Variants in LSAMP observed in about 807,000 individuals in gnomAD.
LSAMP encodes the protein limbic system-associated membrane protein.
In LSAMP, 7 loss-of-function variants were observed where a neutral mutation model predicts 38.6. The observed-to-expected ratio is 0.18, with a 90% CI of 0.10 to 0.34. The LOEUF (loss-of-function observed/expected upper bound fraction) is 0.34, where lower values mean the gene tolerates loss of function less well. Among genes scored for constraint, LSAMP ranks in the 10% least tolerant of loss-of-function variants. The pLI is 1.00. For synonymous variants in LSAMP, 154 were observed against 166.8 expected, an observed-to-expected ratio of 0.92 and a Z score of 0.59; for missense variants, 313 against 420.0, an observed-to-expected ratio of 0.75 and a Z score of 2.23.
At chr3:116,203,800 T>C (rs2046025546) in intron 1 of LSAMP, among the ~76,000 whole-genome samples, 1 of 152,186 alleles carries the variant, frequency 6.6e-6, no homozygotes, top group African/African-American at 2.4e-5. Context: ...CAGTCTATTA[T>C]TGTTGGACAT....
At chr3:116,103,958 G>T (rs1708406937) in intron 1 of LSAMP, among the ~76,000 whole-genome samples, 1 of 152,352 alleles carries the variant, frequency 6.6e-6, no homozygotes, top group Admixed American at 6.5e-5. Flanking sequence ...CTGTGACAGA[G>T]GGTAAGAAAA....
chr3:115,819,413 A>G (rs1271294038), intron 6 of LSAMP, among the ~76,000 whole-genome samples: 1 of 151,692 alleles, frequency 6.6e-6, no homozygotes, highest in African/African-American at 2.4e-5. Context: ...CTGGCGACAG[A>G]GTGAGACTCT....
At chr3:116,438,397 A>G (rs1307305398) in intron 1 of LSAMP, among the ~76,000 whole-genome samples, 3 of 152,310 alleles carry the variant, frequency 2.0e-5, no homozygotes, top group Non-Finnish European at 4.4e-5. Context: ...AGTTATCTTT[A>G]TTTAATAAAT....
rs147874993 is a variant in LSAMP, at chr3:116,052,497, T to C, written c.389-32857A>G. ...ATTTATATTTTTAATATAAATGTAC[T>C]ATAAGGATTTCTTCCTTCCTGGAAA... is the stretch of plus-strand genomic sequence containing the variant. On this transcript the variant is annotated intron_variant, in intron 2 of 6. Coordinates refer to ENST00000490035, the MANE Select transcript of LSAMP (RefSeq NM_002338.5). Among the ~76,000 whole-genome samples the C allele has an allele frequency of 1.7e-3, 261 of 152,336 alleles. 5 individuals are homozygous for C. The highest frequency in any genetic ancestry group is 0.011 in the Admixed American group (174 of 15,292).
chr3:116,035,256 T>C (rs1376639038), intron 2 of LSAMP, among the ~76,000 whole-genome samples: 2 of 152,192 alleles, frequency 1.3e-5, no homozygotes, highest in African/African-American at 4.8e-5. Flanking sequence ...TTTTATATGC[T>C]ACTGCTATTT....
At chr3:116,082,726 G>A (rs1011421087) in intron 2 of LSAMP, among the ~76,000 whole-genome samples, 2 of 152,160 alleles carry the variant, frequency 1.3e-5, no homozygotes, top group Non-Finnish European at 1.5e-5. Context: ...ACAAGATCAT[G>A]TCTTTTGCAG....
chr3:116,098,098 T>C (rs1243655455), intron 1 of LSAMP, among the ~76,000 whole-genome samples: 1 of 152,140 alleles, frequency 6.6e-6, no homozygotes, highest in Non-Finnish European at 1.5e-5. Context: ...CTCCAGTAGC[T>C]GCAAACTGAA....
chr3:116,100,114 C>T (rs1708313512), intron 1 of LSAMP, among the ~76,000 whole-genome samples: 1 of 150,834 alleles, frequency 6.6e-6, no homozygotes, highest in African/African-American at 2.4e-5. Flanking sequence ...CAGAGTCTCA[C>T]TCTGTTGCTC....
rs557284017 is a variant in LSAMP at position 116,386,984 on chromosome 3, T to G, written c.155+57893A>C. Reference sequence around the variant, plus strand: ...GGCTAAGATACAGAAGAACAGAATATATTAGGACACAACGTTTATCTTATA... The same window carrying G: ...GGCTAAGATACAGAAGAACAGAATAGATTAGGACACAACGTTTATCTTATA... On this transcript the variant is annotated intron_variant, in intron 1 of 6. Coordinates refer to ENST00000490035, the MANE Select transcript of LSAMP (RefSeq NM_002338.5). Among the ~76,000 whole-genome samples, 29 of 152,244 alleles carry G rather than the reference T, an allele frequency of 1.9e-4. No individual in the cohort carries two copies. The South Asian group carries it at 5.4e-3, about 28-fold the overall frequency.
At chr3:116,079,085 AT>A (rs1707814599) in intron 2 of LSAMP, among the ~76,000 whole-genome samples, 1 of 152,158 alleles carries the variant, frequency 6.6e-6, no homozygotes, top group Admixed American at 6.6e-5. Context: ...CACAAGGTTC[AT>A]TTTAGCTTTC....
intron 1 of LSAMP, among the ~76,000 whole-genome samples, chr3:116,187,362 T>C (rs1451100233): frequency 6.6e-6 from 1 of 152,142 alleles, no homozygotes; most frequent in Non-Finnish European, 1.5e-5. Flanking sequence ...AAAATGAAGA[T>C]GGTATTAGAT....
intron 1 of LSAMP, among the ~76,000 whole-genome samples, chr3:116,347,553 C>A (rs918712321): frequency 6.6e-5 from 10 of 152,146 alleles, no homozygotes; most frequent in African/African-American, 2.4e-4. Context: ...CTCTCTCCCC[C>A]AACCCACCCC....
intron 1 of LSAMP, among the ~76,000 whole-genome samples, chr3:116,097,488 A>C (rs1264415935): frequency 6.6e-6 from 1 of 152,250 alleles, no homozygotes; most frequent in Non-Finnish European, 1.5e-5. Context: ...TCATTACATT[A>C]CATGCATTGA....
intron 3 of LSAMP, among the ~76,000 whole-genome samples, chr3:116,002,310 C>T (rs1254494552): frequency 6.6e-6 from 1 of 151,964 alleles, no homozygotes; most frequent in Non-Finnish European, 1.5e-5. Context: ...ATGAGAAGAA[C>T]TTGAAGTTAG....
In LSAMP at chr3:116,126,932, G is replaced by C. The variant is rs1709021637; in HGVS notation, c.156-40376C>G. ...ATTATGTTAATAAATTCTAGTACTTGCACATGCTATTTATCTGGTTCCTAA... is the reference window on the plus strand; with the variant it reads ...ATTATGTTAATAAATTCTAGTACTTCCACATGCTATTTATCTGGTTCCTAA... On this transcript the variant is annotated intron_variant, in intron 1 of 6. Transcript: ENST00000490035. Among the ~76,000 whole-genome samples, 5 of 152,158 alleles carry C rather than the reference G, an allele frequency of 3.3e-5. No individual in the cohort carries two copies. The South Asian group carries it at 1.0e-3, about 31-fold the overall frequency.
intron 6 of LSAMP, among the ~76,000 whole-genome samples, chr3:115,812,092 A>G (rs1030796265): frequency 2.6e-5 from 4 of 152,232 alleles, no homozygotes; most frequent in African/African-American, 9.6e-5. Flanking sequence ...GGAGACAACT[A>G]CTATCATTGC....
At chr3:116,149,398 G>C (rs1709560744) in intron 1 of LSAMP, among the ~76,000 whole-genome samples, 1 of 151,906 alleles carries the variant, frequency 6.6e-6, no homozygotes, top group South Asian at 2.1e-4. Flanking sequence ...ATTAAACCTG[G>C]CTTGCTCACC....
chr3:116,241,703 C>G (rs1315134628), intron 1 of LSAMP, among the ~76,000 whole-genome samples: 1 of 152,136 alleles, frequency 6.6e-6, no homozygotes, highest in East Asian at 1.9e-4. Flanking sequence ...ATTATTTCCC[C>G]AGTTTGCTAG....
chr3:116,198,404 C>T (rs2045938945), intron 1 of LSAMP, among the ~76,000 whole-genome samples: 1 of 152,004 alleles, frequency 6.6e-6, no homozygotes, highest in South Asian at 2.1e-4. Context: ...AGATTGAGTA[C>T]TCCAACAAAA....
Sources: gnomAD v4.1 joint callset for allele counts (sites outside exome capture counted in the v4.1 genomes callset) on GRCh38, gnomAD v4.1.1 for gene constraint, MANE v1.5 for transcripts, NCBI Gene and HGNC (gene_info 2026-07-23, HGNC 2026-07-21) for gene names.